TKT: variants seen among roughly 807,000 people sequenced by gnomAD.
The protein encoded by TKT is epididymis luminal protein 107.
TKT carries 47 observed loss-of-function variants against 63.9 expected under a neutral mutation model. The ratio of observed to expected loss-of-function variants is 0.74; its 90% CI spans 0.58 to 0.94. The LOEUF (loss-of-function observed/expected upper bound fraction) is 0.94. TKT is among the 40% of genes least tolerant of loss of function. The pLI, the probability that TKT is intolerant of heterozygous loss-of-function variation, is 0.00. For missense variants in TKT, 721 were observed against 846.2 expected, an observed-to-expected ratio of 0.85 and a Z score of 1.84; for synonymous variants, 338 against 334.1, an observed-to-expected ratio of 1.01 and a Z score of -0.13.
At chr3:53,241,074 T>A (rs1486257995) in intron 3 of TKT, 58 bp downstream of exon 3, 17 of 1,425,594 alleles carry the variant, frequency 1.2e-5, no homozygotes, top group Non-Finnish European at 1.6e-5. Flanking sequence ...CCGTCCCACA[T>A]GTCTGGGAAA....
intron 4 of TKT, among the ~76,000 whole-genome samples, chr3:53,237,280 C>T (rs1486620012): frequency 6.6e-6 from 1 of 151,812 alleles, no homozygotes; most frequent in South Asian, 2.1e-4. Context: ...CCCAGCTACT[C>T]GGGAAGCTGA....
intron 1 of TKT, among the ~76,000 whole-genome samples, chr3:53,249,006 A>G (rs1167907116): frequency 2.6e-5 from 4 of 152,072 alleles, no homozygotes; most frequent in Non-Finnish European, 5.9e-5. Context: ...TCACTCTGTC[A>G]CCCAGGCTGG....
intron 4 of TKT, among the ~76,000 whole-genome samples, chr3:53,236,335 G>A (rs527887165): frequency 1.8e-3 from 272 of 152,290 alleles, no homozygotes; most frequent in African/African-American, 4.3e-3. Context: ...AGCTAGCCAC[G>A]GAGCTGTCAG....
rs1290833786 is a variant in TKT, at chr3:53,231,537, C to T, written c.762G>A (p.Lys254=). 3.1e-6 allele frequency: 5 copies of T among 1,613,670 alleles called. No individual in the cohort carries two copies. Among genetic ancestry groups the T allele is most frequent in the Middle Eastern group, 1.6e-4 (1 of 6,078 alleles). Reference sequence around the variant, plus strand: ...GGAGGGGCTTCCCATGCCAAGACTCCTTATCTTCTACCCCTGCAGACCCAA... The same window carrying T: ...GGAGGGGCTTCCCATGCCAAGACTCTTTATCTTCTACCCCTGCAGACCCAA... ...KGRGITGVED[K]ESWHGKPLPK... is the part of the protein sequence containing the mutation. Residue 254 remains lysine, a synonymous_variant, in exon 7 of 14, where the codon AAG becomes AAA. Transcript: ENST00000462138.
At chr3:53,247,228 G>A (rs1705551934) in intron 1 of TKT, among the ~76,000 whole-genome samples, 1 of 150,630 alleles carries the variant, frequency 6.6e-6, no homozygotes, top group Non-Finnish European at 1.5e-5. Context: ...ATGGTGGTGG[G>A]TGCCTGTAAT....
At chr3:53,231,335 A>G (rs1559647966) in intron 7 of TKT, 22 bp downstream of exon 7, 1 of 1,610,888 alleles carries the variant, frequency 6.2e-7, no homozygotes, top group East Asian at 2.2e-5. Flanking sequence ...ATGGGTTCAG[A>G]GAAACAGGCC....
At chr3:53,255,390 C>T (rs1169171188) in intron 1 of TKT, among the ~76,000 whole-genome samples, 1 of 152,172 alleles carries the variant, frequency 6.6e-6, no homozygotes. Context: ...CCTCCGTTTC[C>T]CCATCTGGAA....
At position 53,226,637 on chromosome 3, in the gene TKT, C is replaced by T. The variant is rs113849023; in HGVS notation, c.1696+119G>A. 6 of 1,456,300 alleles carry T rather than the reference C, an allele frequency of 4.1e-6. No individual in the cohort carries two copies. The African/African-American group carries it at 5.6e-5, about 14-fold the overall frequency. 90.2% of individuals were successfully genotyped at this position (1,456,300 alleles called of 1,614,324 possible). Reference sequence around the variant, plus strand: ...ACCACGTCCCAGCTGCTCTGAGGGACAGCTCTGGGTGTTCTGGGCCACAGC... The same window carrying T: ...ACCACGTCCCAGCTGCTCTGAGGGATAGCTCTGGGTGTTCTGGGCCACAGC... On this transcript the variant is annotated intron_variant, in intron 13 of 13. Transcript: ENST00000462138.
chr3:53,235,388 G>T, intron 4 of TKT: 1 of 473,972 alleles, frequency 2.1e-6, no homozygotes, highest in Non-Finnish European at 3.7e-6. Context: ...CATGAAGGAA[G>T]ACGTCAGGAG....
At position 53,228,899 on chromosome 3, in the gene TKT, G is replaced by A; in HGVS notation, c.1395+108C>T. On this transcript the variant is annotated intron_variant, in intron 10 of 13. Coordinates refer to ENST00000462138, the MANE Select transcript of TKT (RefSeq NM_001064.4). ...AAGCTACACGAACACCAGGGGCAAG[G>A]TCAGGAAACACCCCCTGGGGCAGCA... The A allele has an allele frequency of 1.0e-5, 15 of 1,486,342 alleles. 1 individual carries two copies. In the South Asian group the frequency reaches 1.4e-4, roughly 14 times the overall value. 92.1% of individuals were successfully genotyped at this position (1,486,342 alleles called of 1,614,324 possible).
chr3:53,241,921 AC>A, intron 2 of TKT: 1 of 579,492 alleles, frequency 1.7e-6, no homozygotes, highest in Non-Finnish European at 3.1e-6. Context: ...TGGCAGAGCA[AC>A]CCATCAATTC....
intron 1 of TKT, among the ~76,000 whole-genome samples, chr3:53,251,244 G>T (rs1705733678): frequency 6.6e-6 from 1 of 152,216 alleles, no homozygotes; most frequent in African/African-American, 2.4e-5. Context: ...AATCAGGCCT[G>T]ACTGTGATGG....
intron 4 of TKT, 62 bp from the exon 5 acceptor site, chr3:53,235,236 C>G (rs149738628): frequency 7.2e-6 from 10 of 1,390,138 alleles, no homozygotes; most frequent in Admixed American, 4.8e-5. Context: ...CTCCCACCCC[C>G]CCACCCATCC....
chr3:53,253,512 C>G (rs373520400), intron 1 of TKT, among the ~76,000 whole-genome samples: 1 of 152,196 alleles, frequency 6.6e-6, no homozygotes, highest in Non-Finnish European at 1.5e-5. Flanking sequence ...GGTTCACACT[C>G]GTAATCCCAG....
intron 10 of TKT, 74 bp downstream of exon 10, chr3:53,228,933 G>A: frequency 6.3e-7 from 1 of 1,591,270 alleles, no homozygotes; most frequent in Admixed American, 1.7e-5. Context: ...CAAGTGACCA[G>A]CTCTGGCCTC....
chr3:53,242,603 T>TG lies in TKT; in HGVS notation c.108-362dup, dbSNP rs1296623943. ...CTCAGCCCAAGGCTAGCACTGCGGC[T>TG]GGGGGCAGCTGCTGTCAGGTAGAAC... is the stretch of plus-strand genomic sequence containing the variant. On this transcript the variant is annotated intron_variant, in intron 1 of 13. Transcript: ENST00000462138. Among the ~76,000 whole-genome samples the TG allele has an allele frequency of 2.6e-5, 4 of 152,164 alleles. No individual in the cohort carries two copies. The East Asian group carries it at 7.7e-4, about 29-fold the overall frequency.
chr3:53,238,541 G>A (rs1559652750), intron 4 of TKT, among the ~76,000 whole-genome samples: 1 of 152,192 alleles, frequency 6.6e-6, no homozygotes, highest in Non-Finnish European at 1.5e-5. Flanking sequence ...AGGACCCACA[G>A]TCTTCCCGAA....
rs1705312402 is a variant in TKT, at chr3:53,242,204, G to C, written c.146C>G (p.Ala49Gly). Reference protein sequence around the residue: ...TSCCSAAEIMAVLFFHTMRYK... With the variant: ...TSCCSAAEIMGVLFFHTMRYK... The stretch of plus-strand genomic sequence containing the variant: ...GCGCATGGTGTGGAAAAAGAGGACA[G>C]CCATGATCTCTGCGGCGCTGCAGCA... Residue 49 changes from alanine to glycine, a missense_variant, in exon 2 of 14, where the codon GCT becomes GGT. Physicochemically the swap from Ala to Gly is moderately conservative, Grantham distance 60 (BLOSUM62 0). Coordinates refer to ENST00000462138, the MANE Select transcript of TKT (RefSeq NM_001064.4). 6.2e-7 allele frequency: 1 copy of C among 1,614,142 alleles called. No homozygotes were observed. Among genetic ancestry groups the C allele is most frequent in the Non-Finnish European group, 8.5e-7 (1 of 1,180,026 alleles).
At chr3:53,241,342 G>A (rs1296998250) in intron 2 of TKT, 97 bp from the exon 3 acceptor site, 48 of 1,018,354 alleles carry the variant, frequency 4.7e-5, no homozygotes, top group East Asian at 5.9e-5. Flanking sequence ...CGGCCGAGCC[G>A]GCCAACTGCA....
Sources: gnomAD v4.1 joint callset for allele counts (sites outside exome capture counted in the v4.1 genomes callset) on GRCh38, gnomAD v4.1.1 for gene constraint, MANE v1.5 for transcripts, NCBI Gene and HGNC (gene_info 2026-07-23, HGNC 2026-07-21) for gene names.